Variants in SPOCK1 observed in about 807,000 individuals in gnomAD.
SPOCK1 encodes the protein testican-1.
A neutral mutation model predicts 55.3 loss-of-function variants in SPOCK1; 23 were observed. The ratio of observed to expected loss-of-function variants is 0.42; its 90% CI spans 0.30 to 0.59. SPOCK1 has a LOEUF of 0.59. Among genes scored for constraint, SPOCK1 ranks in the 20% least tolerant of loss-of-function variants. SPOCK1 has a pLI of 0.22. For synonymous variants in SPOCK1, 226 were observed against 221.0 expected, an observed-to-expected ratio of 1.02 and a Z score of -0.20; for missense variants, 499 against 552.5, an observed-to-expected ratio of 0.90 and a Z score of 0.97.
At chr5:137,151,893 T>C in intron 3 of SPOCK1, among the ~76,000 whole-genome samples, 1 of 152,190 alleles carries the variant, frequency 6.6e-6, no homozygotes, top group East Asian at 1.9e-4. Context: ...TCACTGTTAA[T>C]TTTTCAGAAA....
At chr5:137,032,228 C>T (rs1172645471) in intron 6 of SPOCK1, among the ~76,000 whole-genome samples, 2 of 151,964 alleles carry the variant, frequency 1.3e-5, no homozygotes, top group African/African-American at 4.8e-5. Flanking sequence ...GAAAGATCCT[C>T]CCCACAAACA....
At chr5:137,410,885 A>G (rs972235824) in intron 2 of SPOCK1, among the ~76,000 whole-genome samples, 3 of 152,186 alleles carry the variant, frequency 2.0e-5, no homozygotes, top group African/African-American at 7.2e-5. Context: ...AGCCACAGAA[A>G]AGGCAGAAAT....
intron 3 of SPOCK1, among the ~76,000 whole-genome samples, chr5:137,161,394 G>A (rs1242600173): frequency 6.6e-6 from 1 of 152,066 alleles, no homozygotes; most frequent in East Asian, 1.9e-4. Flanking sequence ...GGCATCCCAT[G>A]TTGCCCAGGA....
chr5:137,181,547 T>C (rs1375826656), intron 3 of SPOCK1, among the ~76,000 whole-genome samples: 1 of 152,204 alleles, frequency 6.6e-6, no homozygotes, highest in Non-Finnish European at 1.5e-5. Flanking sequence ...GGGCTGGACT[T>C]GGAGGGGCCC....
intron 3 of SPOCK1, among the ~76,000 whole-genome samples, chr5:137,198,319 G>C (rs1363885378): frequency 6.6e-6 from 1 of 152,194 alleles, no homozygotes; most frequent in Non-Finnish European, 1.5e-5. Flanking sequence ...GACTCTGAAA[G>C]GATAAATTAC....
chr5:137,076,725 G>A (rs1314296720), intron 5 of SPOCK1, among the ~76,000 whole-genome samples: 1 of 151,638 alleles, frequency 6.6e-6, no homozygotes, highest in Non-Finnish European at 1.5e-5. Flanking sequence ...ACCATTGTAA[G>A]TCAGGGACCA....
At chr5:137,040,591 G>A (rs1744186939) in intron 6 of SPOCK1, among the ~76,000 whole-genome samples, 1 of 152,342 alleles carries the variant, frequency 6.6e-6, no homozygotes, top group East Asian at 1.9e-4. Context: ...TGCACCAGCT[G>A]AAGCCTTAGC....
intron 3 of SPOCK1, among the ~76,000 whole-genome samples, chr5:137,213,598 A>G (rs1755658647): frequency 6.6e-6 from 1 of 152,244 alleles, no homozygotes; most frequent in African/African-American, 2.4e-5. Context: ...TAGATTAGGA[A>G]TCAGGAGACC....
intron 3 of SPOCK1, among the ~76,000 whole-genome samples, chr5:137,232,155 C>T (rs1409364574): frequency 3.3e-5 from 5 of 152,144 alleles, no homozygotes; most frequent in Non-Finnish European, 7.3e-5. Flanking sequence ...TGTCTTTTCA[C>T]TTCTTAACAG....
At chr5:137,290,858 A>G (rs1392559495) in intron 2 of SPOCK1, among the ~76,000 whole-genome samples, 3 of 152,222 alleles carry the variant, frequency 2.0e-5, no homozygotes, top group African/African-American at 7.2e-5. Flanking sequence ...AGGTCTGGAA[A>G]GCCAGAAAGG....
intron 6 of SPOCK1, among the ~76,000 whole-genome samples, chr5:137,039,103 ATT>A (rs1017787931): frequency 6.6e-6 from 1 of 152,064 alleles, no homozygotes; most frequent in Non-Finnish European, 1.5e-5. Flanking sequence ...TATTTTGATC[ATT>A]TCATTAAAAC....
chr5:137,178,745 TAA>T (rs1215489365), intron 3 of SPOCK1, among the ~76,000 whole-genome samples: 1 of 152,234 alleles, frequency 6.6e-6, no homozygotes, highest in Non-Finnish European at 1.5e-5. Flanking sequence ...TTGTTCAGAC[TAA>T]GACTGCCAGT....
intron 2 of SPOCK1, among the ~76,000 whole-genome samples, chr5:137,486,084 A>C (rs1754049250): frequency 6.6e-6 from 1 of 152,188 alleles, no homozygotes; most frequent in African/African-American, 2.4e-5. Flanking sequence ...ACAGCCCTCG[A>C]CCAACAGCCC....
intron 2 of SPOCK1, among the ~76,000 whole-genome samples, chr5:137,406,493 C>T (rs552563950): frequency 6.6e-6 from 1 of 152,188 alleles, no homozygotes. Flanking sequence ...CTATCCCGAG[C>T]ACTGGATGCC....
chr5:137,480,976 T>C (rs1435830763), intron 2 of SPOCK1, among the ~76,000 whole-genome samples: 1 of 152,226 alleles, frequency 6.6e-6, no homozygotes, highest in Non-Finnish European at 1.5e-5. Context: ...TATTCTTTAA[T>C]ATTTTTTACT....
rs1334026716 is a variant in SPOCK1, at chr5:137,067,744, T to C, written c.560A>G (p.Glu187Gly). The C allele has an allele frequency of 6.2e-7, 1 of 1,614,016 alleles. No individual in the cohort carries two copies. Among genetic ancestry groups the C allele is most frequent in the Non-Finnish European group, 8.5e-7 (1 of 1,180,018 alleles). The change falls in exon 6 of 11, where the codon GAG becomes GGG. Residue 187 changes from glutamate to glycine, a missense_variant. Physicochemically the swap from Glu to Gly is moderately conservative, Grantham distance 98 (BLOSUM62 -2). This residue lies in a region of SPOCK1 where 386 missense variants were observed against 400.6 expected (regional missense o/e 0.96). Transcript: ENST00000394945. ...CCTTTCTGCCTTGTGCTTTGGTGGC[T>C]CAGGCTCTGGGAGACAGGGACAGGG... Reference protein sequence around the residue: ...DGPCPCLPEPEPPKHKAERSA... With the variant: ...DGPCPCLPEPGPPKHKAERSA...
intron 2 of SPOCK1, among the ~76,000 whole-genome samples, chr5:137,410,411 A>T (rs1162273444): frequency 6.6e-6 from 1 of 152,242 alleles, no homozygotes; most frequent in African/African-American, 2.4e-5. Flanking sequence ...TAGGTTTATC[A>T]TGACAACAGA....
intron 3 of SPOCK1, among the ~76,000 whole-genome samples, chr5:137,202,130 C>G (rs1439765382): frequency 6.6e-6 from 1 of 152,216 alleles, no homozygotes; most frequent in Non-Finnish European, 1.5e-5. Flanking sequence ...ATTTCCCAAT[C>G]ATACTGATCC....
chr5:137,479,709 A>G (rs1289660636), intron 2 of SPOCK1, among the ~76,000 whole-genome samples: 2 of 152,252 alleles, frequency 1.3e-5, no homozygotes, highest in Non-Finnish European at 2.9e-5. Flanking sequence ...CGCAGATCAG[A>G]GCCCCTACCA....
Sources: allele counts gnomAD v4.1 joint callset (sites outside exome capture counted in the v4.1 genomes callset), GRCh38; gene constraint gnomAD v4.1.1; regional missense constraint gnomAD v4.1.1; transcripts MANE v1.5; gene names NCBI Gene and HGNC (gene_info 2026-07-23, HGNC 2026-07-21).